The following AQP9 variants were observed in gnomAD, a reference collection of about 807,000 sequenced individuals.
AQP9 encodes aquaporin-9.
In AQP9, 19 loss-of-function variants were observed where a neutral mutation model predicts 23.8. The observed-to-expected ratio is 0.80, with a 90% CI of 0.56 to 1.17. The LOEUF is 1.17. Among genes scored for constraint, AQP9 ranks in the 50% most tolerant of loss-of-function variants. The pLI, the probability that AQP9 is intolerant of heterozygous loss-of-function variation, is 0.00. For missense variants in AQP9, 413 were observed against 362.0 expected, an observed-to-expected ratio of 1.14 and a Z score of -1.14; for synonymous variants, 153 against 131.5, an observed-to-expected ratio of 1.16 and a Z score of -1.12.
At chr15:58,166,554 A>C in intron 1 of AQP9, 119 bp from the exon 2 acceptor site, 1 of 1,346,858 alleles carries the variant, frequency 7.4e-7, no homozygotes, top group East Asian at 2.4e-5. Flanking sequence ...TTTGATTTGT[A>C]TAAAACCCAA....
chr15:58,138,903 G>A (rs1488501767), intron 1 of AQP9: 1 of 453,852 alleles, frequency 2.2e-6, no homozygotes, highest in African/African-American at 2.0e-5. Context: ...GGGAATGGAA[G>A]AGAAGGAGTG....
At chr15:58,174,444 TG>T (rs1174785250) in intron 3 of AQP9, among the ~76,000 whole-genome samples, 1 of 152,168 alleles carries the variant, frequency 6.6e-6, no homozygotes, top group African/African-American at 2.4e-5. Flanking sequence ...AAGAATGGCC[TG>T]GGGTCAGTGC....
At chr15:58,173,877 A>G (rs111810104) in intron 3 of AQP9, among the ~76,000 whole-genome samples, 2,444 of 152,298 alleles carry the variant, frequency 0.016, 36 homozygotes, top group Middle Eastern at 0.044. Flanking sequence ...CCATGAAATC[A>G]ACTGTTAAAG....
At position 58,184,374 on chromosome 15, in the gene AQP9, C is replaced by T; in HGVS notation, c.*239C>T. 1 of 432,692 alleles carries T rather than the reference C, an allele frequency of 2.3e-6. No homozygotes were observed. Among genetic ancestry groups the T allele is most frequent in the Non-Finnish European group, 4.1e-6 (1 of 243,448 alleles). The allele number at this position is 432,692 out of a possible 1,614,324, so 26.8% of individuals were successfully genotyped here. A position where few individuals can be genotyped will look rare whatever the true frequency, so the allele number is the denominator to read the frequency against. ...GCTGACTGTCCCCTGAAACAGCCTTCTCTCCTGCCCTGTTTATTTCATCCT... is the reference window on the plus strand; with the variant it reads ...GCTGACTGTCCCCTGAAACAGCCTTTTCTCCTGCCCTGTTTATTTCATCCT... On this transcript the variant is annotated 3_prime_UTR_variant, in exon 6 of 6. Coordinates refer to ENST00000219919, the MANE Select transcript of AQP9 (RefSeq NM_020980.5).
intron 1 of AQP9, chr15:58,155,689 A>G (rs1306867212): frequency 2.0e-5 from 3 of 152,124 alleles, no homozygotes; most frequent in Admixed American, 1.3e-4. Context: ...TAATTCTAGT[A>G]CTATTTTCAC....
At chr15:58,158,507 A>G (rs1898309526) in intron 1 of AQP9, among the ~76,000 whole-genome samples, 1 of 152,216 alleles carries the variant, frequency 6.6e-6, no homozygotes, top group African/African-American at 2.4e-5. Context: ...AAGGGAATAC[A>G]AGTAAAGCAC....
chr15:58,179,783 G>A (rs1049710844), intron 5 of AQP9, among the ~76,000 whole-genome samples: 1 of 152,040 alleles, frequency 6.6e-6, no homozygotes, highest in African/African-American at 2.4e-5. Flanking sequence ...GATATTTGTT[G>A]GGCATTATCT....
chr15:58,151,262 A>G (rs1374732719), intron 1 of AQP9: 6 of 152,126 alleles, frequency 3.9e-5, no homozygotes, highest in African/African-American at 1.4e-4. Context: ...GCCTTGCCTT[A>G]CTAGTTTCAA....
At chr15:58,170,146 C>A (rs533313432) in intron 2 of AQP9, among the ~76,000 whole-genome samples, 1 of 152,124 alleles carries the variant, frequency 6.6e-6, no homozygotes, top group Non-Finnish European at 1.5e-5. Flanking sequence ...ACTGCTCTGC[C>A]TTGTCCTTGT....
intron 5 of AQP9, 60 bp from the exon 6 acceptor site, chr15:58,183,901 A>G: frequency 3.3e-6 from 5 of 1,536,214 alleles, no homozygotes; most frequent in Non-Finnish European, 4.5e-6. Context: ...GTGAAAAACT[A>G]GACAGTAATA....
intron 1 of AQP9, among the ~76,000 whole-genome samples, chr15:58,158,640 G>C (rs190924825): frequency 5.3e-5 from 8 of 152,086 alleles, no homozygotes; most frequent in African/African-American, 1.7e-4. Flanking sequence ...ATTCCAAAGC[G>C]CATGACAATC....
intron 1 of AQP9, among the ~76,000 whole-genome samples, chr15:58,144,224 G>T (rs1897999707): frequency 6.6e-6 from 1 of 152,078 alleles, no homozygotes; most frequent in Non-Finnish European, 1.5e-5. Context: ...CATACATTAA[G>T]GTATTTTGTG....
intron 1 of AQP9, among the ~76,000 whole-genome samples, chr15:58,165,409 G>T (rs1265334772): frequency 6.6e-6 from 1 of 152,124 alleles, no homozygotes; most frequent in East Asian, 1.9e-4. Context: ...AAAAAGAGAG[G>T]ATATACAATG....
chr15:58,183,251 T>C (rs2140638539), intron 5 of AQP9, among the ~76,000 whole-genome samples: 1 of 152,324 alleles, frequency 6.6e-6, no homozygotes, highest in Non-Finnish European at 1.5e-5. Context: ...GCTTTCCTGA[T>C]CCTTTCTAAG....
chr15:58,141,664 T>C (rs1204407141), intron 1 of AQP9, among the ~76,000 whole-genome samples: 1 of 152,162 alleles, frequency 6.6e-6, no homozygotes, highest in Non-Finnish European at 1.5e-5. Flanking sequence ...AGTGTTCCCT[T>C]CTTCCTGCTC....
intron 4 of AQP9, among the ~76,000 whole-genome samples, chr15:58,177,299 T>C (rs543087314): frequency 6.6e-6 from 1 of 152,354 alleles, no homozygotes; most frequent in South Asian, 2.1e-4. Flanking sequence ...AGCTCTATAC[T>C]CTTCCTTCTT....
In AQP9 at chr15:58,175,022, G is replaced by T. The variant is rs752717219; in HGVS notation, c.481G>T (p.Ala161Ser). ...YPAPYLSLAN[A>S]FADQVVATMI... ...AGCTCCGTATCTATCTCTGGCGAACGCATTTGCAGATCAAGTAAGTGTAGA... is the reference window on the plus strand; with the variant it reads ...AGCTCCGTATCTATCTCTGGCGAACTCATTTGCAGATCAAGTAAGTGTAGA... The change falls in exon 4 of 6, where the codon GCA (alanine) becomes TCA (serine). Residue 161 changes from alanine to serine, a missense_variant. Ala to Ser is a moderately conservative substitution (Grantham distance 99, BLOSUM62 1). Transcript: ENST00000219919. The T allele has an allele frequency of 6.2e-7, 1 of 1,613,080 alleles. No homozygotes were observed. Among genetic ancestry groups the T allele is most frequent in the Admixed American group, 1.7e-5 (1 of 60,018 alleles).
chr15:58,179,398 G>C, intron 5 of AQP9, 53 bp downstream of exon 5: 1 of 1,508,042 alleles, frequency 6.6e-7, no homozygotes, highest in Non-Finnish European at 9.0e-7. Flanking sequence ...CGCCTCACCA[G>C]TGGGGCGGGG....
intron 1 of AQP9, among the ~76,000 whole-genome samples, chr15:58,147,890 G>GCACACA (rs112161250): frequency 0.03 from 4,478 of 150,390 alleles, 134 homozygotes; most frequent in Admixed American, 0.097. Flanking sequence ...ATAAACACAT[G>GCACACA]CACACACACA....
Sources: allele counts gnomAD v4.1 joint callset (sites outside exome capture counted in the v4.1 genomes callset), GRCh38; gene constraint gnomAD v4.1.1; transcripts MANE v1.5; gene names NCBI Gene and HGNC (gene_info 2026-07-23, HGNC 2026-07-21).